HTR2C: variants seen among roughly 807,000 people sequenced by gnomAD.
HTR2C encodes 5-hydroxytryptamine (serotonin) receptor 2C, G protein-coupled.
HTR2C carries 5 observed loss-of-function variants against 21.0 expected under a neutral mutation model. The ratio of observed to expected loss-of-function variants is 0.24; its 90% CI spans 0.12 to 0.50. HTR2C has a LOEUF of 0.50. Ranked by LOEUF, HTR2C falls within the 20% of genes least tolerant of loss-of-function variation. The pLI, the probability that HTR2C is intolerant of heterozygous loss-of-function variation, is 0.98. For synonymous variants in HTR2C, 150 were observed against 145.3 expected, an observed-to-expected ratio of 1.03 and a Z score of -0.23; for missense variants, 271 against 371.2, an observed-to-expected ratio of 0.73 and a Z score of 2.22.
intron 4 of HTR2C, among the ~76,000 whole-genome samples, chrX:114,738,388 G>C (rs142151050): frequency 0.016 from 1,748 of 111,264 alleles, 25 homozygotes; most frequent in Middle Eastern, 0.06. Flanking sequence ...CACCATAAAT[G>C]TATACTAATT....
chrX:114,859,487 T>C (rs2070989616), intron 5 of HTR2C, among the ~76,000 whole-genome samples: 1 of 111,845 alleles, frequency 8.9e-6, no homozygotes, highest in Non-Finnish European at 1.9e-5. Context: ...TTCTAATTTA[T>C]TGGCATCAAG....
chrX:114,909,535 G>A lies in HTR2C; in HGVS notation c.*2120G>A, dbSNP rs1408187326. On this transcript the variant is annotated 3_prime_UTR_variant, in exon 6 of 6. Transcript: ENST00000276198. ...TCTGATTTCTGAACTATCAGGGCAAGCTCATAGCACATGTTTTACAAAGAA... is the reference window on the plus strand; with the variant it reads ...TCTGATTTCTGAACTATCAGGGCAAACTCATAGCACATGTTTTACAAAGAA... 1.8e-5 allele frequency: 2 copies of A among 112,478 alleles called. No individual in the cohort carries two copies. The highest frequency in any genetic ancestry group is 6.5e-5 in the African/African-American group (2 of 30,907). 9.3% of individuals were successfully genotyped at this position (112,478 alleles called of 1,213,427 possible).
chrX:114,823,617 G>T (rs1271123009), intron 4 of HTR2C: 1 of 318,095 alleles, frequency 3.1e-6, no homozygotes, highest in Non-Finnish European at 6.3e-6. Flanking sequence ...TAAAATCTGC[G>T]TGTCATGGAA....
chrX:114,853,240 T>C (rs1308316615), intron 5 of HTR2C, among the ~76,000 whole-genome samples: 7 of 111,838 alleles, frequency 6.3e-5, no homozygotes, highest in Non-Finnish European at 1.1e-4. Context: ...TTTTTTTCAT[T>C]TTTATTTCTT....
Position 114,907,895 on chromosome X carries a change from T to C in HTR2C, c.*480T>C, listed in dbSNP as rs1461312576. 1 of 115,917 alleles carries C rather than the reference T, an allele frequency of 8.6e-6. No individual in the cohort carries two copies. The highest frequency in any genetic ancestry group is 3.2e-5 in the African/African-American group (1 of 30,862). 9.6% of individuals were successfully genotyped at this position (115,917 alleles called of 1,213,427 possible). A position where few individuals can be genotyped will look rare whatever the true frequency, so the allele number is the denominator to read the frequency against. Reference sequence around the variant, plus strand: ...CATTCTTGCTCTGCTCATCTACACATATAAACACAGTAAGATAGGTTCTGC... The same window carrying C: ...CATTCTTGCTCTGCTCATCTACACACATAAACACAGTAAGATAGGTTCTGC... On this transcript the variant is annotated 3_prime_UTR_variant, in exon 6 of 6. Transcript: ENST00000276198.
At chrX:114,818,621 C>T (rs896108455) in intron 4 of HTR2C, among the ~76,000 whole-genome samples, 1 of 111,739 alleles carries the variant, frequency 8.9e-6, no homozygotes, top group Non-Finnish European at 1.9e-5. Flanking sequence ...CTCAGCTTCA[C>T]CCTTCCTAGC....
At chrX:114,694,474 T>C (rs1932208484) in intron 2 of HTR2C, among the ~76,000 whole-genome samples, 2 of 3,826 alleles carry the variant, frequency 5.2e-4, no homozygotes, top group African/African-American at 1.3e-3. Context: ...TATATATATA[T>C]ATATATATAT....
At chrX:114,845,865 T>G in intron 4 of HTR2C, among the ~76,000 whole-genome samples, 1 of 108,929 alleles carries the variant, frequency 9.2e-6, no homozygotes, top group Middle Eastern at 4.7e-3. Context: ...ATTTAAAAAT[T>G]AGACAGGTAT....
intron 2 of HTR2C, among the ~76,000 whole-genome samples, chrX:114,637,070 GT>G (rs1929869721): frequency 9.0e-6 from 1 of 111,257 alleles, no homozygotes; most frequent in African/African-American, 3.3e-5. Context: ...AATTTTAAGT[GT>G]TAAGAAATTT....
At chrX:114,782,034 G>A (rs2070123865) in intron 4 of HTR2C, among the ~76,000 whole-genome samples, 1 of 104,994 alleles carries the variant, frequency 9.5e-6, no homozygotes, top group Non-Finnish European at 1.9e-5. Flanking sequence ...CAGTGGAACT[G>A]CAGATAACCA....
At chrX:114,739,706 G>T (rs1018245457) in intron 4 of HTR2C, among the ~76,000 whole-genome samples, 1 of 111,661 alleles carries the variant, frequency 9.0e-6, no homozygotes, top group African/African-American at 3.3e-5. Context: ...ATTGCAAAGG[G>T]CTAATATCTC....
At chrX:114,604,881 T>A (rs782266875) in intron 1 of HTR2C, among the ~76,000 whole-genome samples, 1 of 111,273 alleles carries the variant, frequency 9.0e-6, no homozygotes, top group African/African-American at 3.3e-5. Flanking sequence ...AGGCAAGGAA[T>A]TGCAACTTTT....
intron 4 of HTR2C, among the ~76,000 whole-genome samples, chrX:114,760,230 A>G (rs1429620041): frequency 9.0e-6 from 1 of 111,604 alleles, no homozygotes; most frequent in Non-Finnish European, 1.9e-5. Context: ...ATTATTATAC[A>G]TTTCTATATG....
intron 4 of HTR2C, among the ~76,000 whole-genome samples, chrX:114,754,191 A>T (rs1302062116): frequency 2.7e-5 from 2 of 73,414 alleles, no homozygotes; most frequent in Non-Finnish European, 6.9e-5. Flanking sequence ...GGACTTCAAC[A>T]TATGAATTTT....
At chrX:114,790,579 G>C (rs2070221163) in intron 4 of HTR2C, among the ~76,000 whole-genome samples, 1 of 111,651 alleles carries the variant, frequency 9.0e-6, no homozygotes, top group Non-Finnish European at 1.9e-5. Flanking sequence ...ATGTTTGATA[G>C]ATAAATAGAC....
chrX:114,740,393 G>A (rs1455037698), intron 4 of HTR2C, among the ~76,000 whole-genome samples: 5 of 110,019 alleles, frequency 4.5e-5, no homozygotes, highest in Non-Finnish European at 9.5e-5. Flanking sequence ...AACCATTTTG[G>A]AGGAAAATCT....
chrX:114,888,883 C>T (rs1467078562), intron 5 of HTR2C, among the ~76,000 whole-genome samples: 1 of 111,282 alleles, frequency 9.0e-6, no homozygotes, highest in Non-Finnish European at 1.9e-5. Context: ...ATGGATATAC[C>T]ACATATTTAC....
chrX:114,688,743 C>A (rs1320256708), intron 2 of HTR2C, among the ~76,000 whole-genome samples: 1 of 111,664 alleles, frequency 9.0e-6, no homozygotes, highest in Non-Finnish European at 1.9e-5. Flanking sequence ...TCAGACTGAA[C>A]AGAGTTAGTA....
Position 114,808,664 on chromosome X carries a change from C to T in HTR2C, c.350-39339C>T, listed in dbSNP as rs781799767. On this transcript the variant is annotated intron_variant, in intron 4 of 5. Transcript: ENST00000276198. ...TCTTTTAGATGTAAGGCATTTTAACCGGGGTGAGATGATACCTTACTGTAG... is the reference window on the plus strand; with the variant it reads ...TCTTTTAGATGTAAGGCATTTTAACTGGGGTGAGATGATACCTTACTGTAG... 1.9e-4 allele frequency among the ~76,000 whole-genome samples: 21 copies of T among 111,299 alleles called. 1 individual carries two copies. The highest frequency in any genetic ancestry group is 3.0e-4 in the Non-Finnish European group (16 of 53,082).
Sources: allele counts gnomAD v4.1 joint callset (sites outside exome capture counted in the v4.1 genomes callset), GRCh38; gene constraint gnomAD v4.1.1; transcripts MANE v1.5; gene names NCBI Gene and HGNC (gene_info 2026-07-23, HGNC 2026-07-21).